Variants in DDX60L observed in about 807,000 individuals in gnomAD.
DDX60L encodes the protein probable ATP-dependent RNA helicase DDX60-like.
Under a neutral mutation model 211.6 loss-of-function variants are expected in DDX60L, and 191 were observed. That is an observed-to-expected ratio of 0.90 (90% CI 0.80 to 1.02). The LOEUF (loss-of-function observed/expected upper bound fraction) is 1.02. Among genes scored for constraint, DDX60L ranks in the 50% least tolerant of loss-of-function variants. DDX60L has a pLI of 0.00. For synonymous variants in DDX60L, 706 were observed against 694.1 expected (o/e 1.02, Z -0.27); for missense variants, 2,007 against 1,984.1 (o/e 1.01, Z -0.22).
rs754779863 is a variant in DDX60L, at chr4:168,375,420, C to T, written c.4590G>A (p.Ser1530=). The part of the protein sequence containing the change: ...FASFLLIASK[S]VNMKKEHQLP... ...GTTGATGCTCTTTTTTCATGTTCAC[C>T]GACTTGGAAGCAATCAGCAGGAAGG... Residue 1530 remains serine (S), a synonymous_variant, in exon 34 of 38, where the codon TCG becomes TCA. Transcript: ENST00000682922. 1.8e-5 allele frequency: 29 copies of T among 1,612,508 alleles called. No individual in the cohort carries two copies. The East Asian group carries it at 2.9e-4, about 16-fold the overall frequency.
chr4:168,399,869 AT>A (rs1461650253), intron 26 of DDX60L, among the ~76,000 whole-genome samples: 2 of 152,174 alleles, frequency 1.3e-5, no homozygotes, highest in Non-Finnish European at 2.9e-5. Flanking sequence ...TTTAAGTTTT[AT>A]TTTAAGTTCA....
At chr4:168,427,457 ATG>A in intron 13 of DDX60L, 135 bp from the exon 14 acceptor site, 1 of 974,914 alleles carries the variant, frequency 1.0e-6, no homozygotes, top group East Asian at 2.5e-5. Flanking sequence ...AGAATTCTTA[ATG>A]TCTTTTCTTA....
At position 168,364,954 on chromosome 4, in the gene DDX60L, G is replaced by A. The variant is rs533984931; in HGVS notation, c.4929-3743C>T. Among the ~76,000 whole-genome samples, 4 of 151,870 alleles carry A rather than the reference G, an allele frequency of 2.6e-5. No homozygotes were observed. In the East Asian group the frequency reaches 7.8e-4, roughly 29 times the overall value. On this transcript the variant is annotated intron_variant, in intron 36 of 37. Coordinates refer to ENST00000682922, the MANE Select transcript of DDX60L (RefSeq NM_001012967.3). ...CAACAGATCAATAAGCAAATTAAAAGGGAAACTTAAATATTTCTTAAGACA... is the reference window on the plus strand; with the variant it reads ...CAACAGATCAATAAGCAAATTAAAAAGGAAACTTAAATATTTCTTAAGACA...
chr4:168,422,064 C>T (rs1296792522), intron 16 of DDX60L, among the ~76,000 whole-genome samples, 155 bp from the exon 17 acceptor site: 2 of 152,154 alleles, frequency 1.3e-5, no homozygotes, highest in African/African-American at 2.4e-5. Context: ...GGTGAACACT[C>T]GAAGGATTCA....
At chr4:168,397,585 G>A (rs971811343) in intron 26 of DDX60L, among the ~76,000 whole-genome samples, 4 of 152,198 alleles carry the variant, frequency 2.6e-5, no homozygotes, top group African/African-American at 9.6e-5. Context: ...TAGATGCAGT[G>A]TGTGCTACAT....
rs372716759 is a variant in DDX60L at position 168,421,787 on chromosome 4, C to T, written c.2367G>A (p.Gly789=). 1.8e-5 allele frequency: 29 copies of T among 1,614,028 alleles called. No individual in the cohort carries two copies. Among genetic ancestry groups the T allele is most frequent in the African/African-American group, 2.7e-5 (2 of 74,908 alleles). The part of the protein sequence containing the change: ...MEKVLRESDV[G]VVVYVAPAKS... The stretch of plus-strand genomic sequence containing the variant: ...TTGCGGGTGCAACGTACACAACCAC[C>T]CCGACATCGCTCTCCCTCAGCACTT... Residue 789 remains glycine (G), a synonymous_variant, in exon 17 of 38, where the codon GGG becomes GGA. Coordinates refer to ENST00000682922, the MANE Select transcript of DDX60L (RefSeq NM_001012967.3).
At chr4:168,402,787 C>T (rs1747064228) in intron 25 of DDX60L, among the ~76,000 whole-genome samples, 1 of 152,154 alleles carries the variant, frequency 6.6e-6, no homozygotes, top group African/African-American at 2.4e-5. Flanking sequence ...TCATAGAGTT[C>T]TCAATGTTCC....
intron 12 of DDX60L, among the ~76,000 whole-genome samples, chr4:168,430,883 G>A (rs1015298974): frequency 6.6e-6 from 1 of 152,158 alleles, no homozygotes; most frequent in South Asian, 2.1e-4. Context: ...AAGAGGAGAA[G>A]AGGAAGGTTG....
chr4:168,420,331 G>A lies in DDX60L; in HGVS notation c.2444C>T (p.Thr815Met), dbSNP rs541986385. The A allele has an allele frequency of 1.1e-5, 17 of 1,611,536 alleles. No homozygotes were observed. Among genetic ancestry groups the A allele is most frequent in the East Asian group, 4.5e-5 (2 of 44,848 alleles). Residue 815 changes from threonine (T) to methionine (M), a missense_variant, in exon 18 of 38, where the codon ACG becomes ATG. Thr to Met is a moderately conservative substitution (Grantham distance 81). Transcript: ENST00000682922. ...AATVENRFTK[T>M]LPAGRTLCGA... is the part of the protein sequence containing the mutation. ...GCATAGAGTTCTGCCGGCAGGCAAC[G>A]TTTTAGTAAAACGATTCTCAACAGT...
chr4:168,431,781 C>G (rs1274763679), intron 12 of DDX60L, among the ~76,000 whole-genome samples: 1 of 152,116 alleles, frequency 6.6e-6, no homozygotes, highest in Non-Finnish European at 1.5e-5. Context: ...GAGAAAGACA[C>G]TAAAAGAATG....
intron 34 of DDX60L, 55 bp from the exon 35 acceptor site, chr4:168,373,863 C>A: frequency 1.3e-6 from 2 of 1,568,828 alleles, no homozygotes; most frequent in Non-Finnish European, 1.7e-6. Context: ...CAAATGTTAA[C>A]CCTTTCAAAC....
Position 168,432,979 on chromosome 4 carries a change from C to T in DDX60L, c.1400+31G>A, listed in dbSNP as rs144227976. 60 of 1,417,428 alleles carry T rather than the reference C, an allele frequency of 4.2e-5. No individual in the cohort carries two copies. In the African/African-American group the frequency reaches 6.5e-4, roughly 15 times the overall value. 87.8% of individuals were successfully genotyped at this position (1,417,428 alleles called of 1,614,324 possible). ...TTCACTAGTATTTTCAAGTTGATGG[C>T]ACTAAATCAGGTACTTCATTAACTC... On this transcript the variant is annotated intron_variant, in intron 11 of 37. Coordinates refer to ENST00000682922, the MANE Select transcript of DDX60L (RefSeq NM_001012967.3).
chr4:168,448,823 T>A (rs1382282470), intron 8 of DDX60L, 44 bp from the exon 9 acceptor site: 1 of 1,562,972 alleles, frequency 6.4e-7, no homozygotes, highest in South Asian at 1.2e-5. Context: ...AGGCATGGAA[T>A]AATTTCATAC....
At chr4:168,424,373 A>G (rs78361540) in intron 14 of DDX60L, among the ~76,000 whole-genome samples, 3 of 152,104 alleles carry the variant, frequency 2.0e-5, no homozygotes, top group African/African-American at 7.2e-5. Flanking sequence ...TCTCTATCCC[A>G]CTACTAACCA....
At chr4:168,427,752 C>T (rs1751694045) in intron 13 of DDX60L, among the ~76,000 whole-genome samples, 1 of 152,180 alleles carries the variant, frequency 6.6e-6, no homozygotes, top group Admixed American at 6.6e-5. Context: ...TTGAAAAACA[C>T]CAACGGTCTA....
Position 168,408,708 on chromosome 4 carries a change from G to A in DDX60L, c.2980-2002C>T, listed in dbSNP as rs368053481. ...GAAAGAGACAGACAGTAGTTCTTTC[G>A]AGGACTGCCTGGTGCCGACAGCCTC... On this transcript the variant is annotated intron_variant, in intron 22 of 37. Transcript: ENST00000682922. Among the ~76,000 whole-genome samples the A allele has an allele frequency of 9.9e-5, 15 of 152,248 alleles. No individual in the cohort carries two copies. In the South Asian group the frequency reaches 1.9e-3, roughly 19 times the overall value.
intron 30 of DDX60L, among the ~76,000 whole-genome samples, chr4:168,381,578 AT>A (rs202147047): frequency 0.063 from 1,921 of 30,704 alleles, 23 homozygotes; most frequent in Non-Finnish European, 0.11. Context: ...AACACTATCA[AT>A]TTTTTTTAAA....
chr4:168,410,127 A>G (rs945880410), intron 22 of DDX60L, among the ~76,000 whole-genome samples: 1 of 152,188 alleles, frequency 6.6e-6, no homozygotes, highest in Admixed American at 6.5e-5. Flanking sequence ...TAATTTAATA[A>G]GAAAAAGAAG....
At chr4:168,477,829 T>C (rs570107131) in intron 1 of DDX60L, among the ~76,000 whole-genome samples, 1 of 152,330 alleles carries the variant, frequency 6.6e-6, no homozygotes, top group Non-Finnish European at 1.5e-5. Context: ...TGATGGTCAA[T>C]GTCTATAGTG....
Sources: gnomAD v4.1 joint callset for allele counts (sites outside exome capture counted in the v4.1 genomes callset) on GRCh38, gnomAD v4.1.1 for gene constraint, MANE v1.5 for transcripts, NCBI Gene and HGNC (gene_info 2026-07-23, HGNC 2026-07-21) for gene names.